The following IGF1R variants were observed in gnomAD, a reference collection of about 807,000 sequenced individuals.
IGF1R encodes the protein insulin-like growth factor 1 receptor.
A neutral mutation model predicts 144.6 loss-of-function variants in IGF1R; 44 were observed. That is an observed-to-expected ratio of 0.30 (90% CI 0.24 to 0.39). The LOEUF (loss-of-function observed/expected upper bound fraction) is 0.39. Among genes scored for constraint, IGF1R ranks in the 10% least tolerant of loss-of-function variants. The pLI is 1.00. For missense variants in IGF1R, 1,355 were observed against 1,833.7 expected (o/e 0.74, Z 4.77); for synonymous variants, 795 against 722.8 (o/e 1.10, Z -1.60).
intron 2 of IGF1R, among the ~76,000 whole-genome samples, chr15:98,762,450 A>G (rs1156446552): frequency 2.6e-5 from 4 of 152,228 alleles, no homozygotes; most frequent in African/African-American, 9.6e-5. Context: ...TATTCCGGCC[A>G]GGCATAGTAG....
chr15:98,786,940 A>G (rs2056012906), intron 2 of IGF1R, among the ~76,000 whole-genome samples: 1 of 152,100 alleles, frequency 6.6e-6, no homozygotes, highest in Admixed American at 6.6e-5. Flanking sequence ...TCTCTCACCC[A>G]CTTGAGGATT....
At chr15:98,722,814 G>T (rs1229626566) in intron 2 of IGF1R, among the ~76,000 whole-genome samples, 2 of 152,214 alleles carry the variant, frequency 1.3e-5, no homozygotes, top group Non-Finnish European at 2.9e-5. Flanking sequence ...TGGGCATGCA[G>T]TGGGTGAGAG....
intron 2 of IGF1R, among the ~76,000 whole-genome samples, chr15:98,719,351 C>A (rs8040055): frequency 6.6e-6 from 1 of 151,056 alleles, no homozygotes; most frequent in African/African-American, 2.5e-5. Context: ...CCCTGCCTTA[C>A]CCCTGGCCAT....
Position 98,827,260 on chromosome 15 carries a change from CAT to C in IGF1R, c.641-64063_641-64062del, listed in dbSNP as rs200517917. On this transcript the variant is annotated intron_variant, in intron 2 of 20. Coordinates refer to ENST00000650285, the MANE Select transcript of IGF1R (RefSeq NM_000875.5). ...CTTGGAAAACAGGCAAATCCACTGA[CAT>C]AGGCATTTTTAGCCACCTTGGAATC... Among the ~76,000 whole-genome samples the C allele has an allele frequency of 4.0e-3, 611 of 152,318 alleles. 2 individuals are homozygous for C. The highest frequency in any genetic ancestry group is 0.014 in the African/African-American group (570 of 41,576).
chr15:98,777,441 C>G (rs2055747116), intron 2 of IGF1R, among the ~76,000 whole-genome samples: 1 of 152,162 alleles, frequency 6.6e-6, no homozygotes, highest in African/African-American at 2.4e-5. Context: ...CCGGGGAGGC[C>G]CTGAGAAACA....
chr15:98,891,578 C>T lies in IGF1R; in HGVS notation c.894C>T (p.Ile298=). 2.5e-6 allele frequency: 4 copies of T among 1,606,356 alleles called. No homozygotes were observed. Among genetic ancestry groups the T allele is most frequent in the Non-Finnish European group, 3.4e-6 (4 of 1,179,978 alleles). Residue 298 remains isoleucine, a synonymous_variant, in exon 3 of 21, where the codon ATC becomes ATT. Transcript: ENST00000650285. This position sits in a 1 kb window ranked among gnomAD's most constrained non-coding sequence, Gnocchi z 4.7. The part of the protein sequence containing the change: ...AESSDSEGFV[I]HDGECMQECP... ...GCAGCGACTCCGAGGGGTTTGTGAT[C>T]CACGACGGCGAGTGCATGCAGGAGT...
intron 2 of IGF1R, among the ~76,000 whole-genome samples, chr15:98,816,260 A>G (rs2141468569): frequency 6.6e-6 from 1 of 152,266 alleles, no homozygotes; most frequent in East Asian, 1.9e-4. Context: ...TCCCATCAAT[A>G]ACTACAAGAT....
rs1293650057 is a variant in IGF1R at position 98,961,212 on chromosome 15, C to T, written c.*3770C>T. The T allele has an allele frequency of 8.6e-6, 2 of 233,516 alleles. No homozygotes were observed. The highest frequency in any genetic ancestry group is 1.7e-5 in the Non-Finnish European group (2 of 118,004). The allele number at this position is 233,516 out of a possible 1,614,324, so 14.5% of individuals were successfully genotyped here. A position where few individuals can be genotyped will look rare whatever the true frequency, so the allele number is the denominator to read the frequency against. Reference sequence around the variant, plus strand: ...GTAGGTGACCCCTTGGAATAACGGCCTCTCCTCTCGTGCACATACCTACCG... The same window carrying T: ...GTAGGTGACCCCTTGGAATAACGGCTTCTCCTCTCGTGCACATACCTACCG... On this transcript the variant is annotated 3_prime_UTR_variant, in exon 21 of 21. Coordinates refer to ENST00000650285, the MANE Select transcript of IGF1R (RefSeq NM_000875.5).
chr15:98,749,485 T>C (rs1327465209), intron 2 of IGF1R, among the ~76,000 whole-genome samples: 1 of 152,234 alleles, frequency 6.6e-6, no homozygotes, highest in Non-Finnish European at 1.5e-5. Flanking sequence ...CAAGACTAAT[T>C]GATTAATTTA....
intron 19 of IGF1R, 110 bp from the exon 20 acceptor site, chr15:98,948,464 A>G: frequency 2.6e-6 from 3 of 1,171,402 alleles, no homozygotes; most frequent in Non-Finnish European, 2.6e-6. Flanking sequence ...CACTGTCACC[A>G]TAGTAAGGAC....
intron 2 of IGF1R, among the ~76,000 whole-genome samples, chr15:98,843,661 G>T (rs1035397020): frequency 2.0e-5 from 3 of 152,118 alleles, no homozygotes; most frequent in Non-Finnish European, 2.9e-5. Flanking sequence ...AACCCTGAAA[G>T]AAGAAAAACT....
intron 2 of IGF1R, among the ~76,000 whole-genome samples, chr15:98,735,127 T>C (rs1000258934): frequency 2.0e-5 from 3 of 152,170 alleles, no homozygotes; most frequent in South Asian, 2.1e-4. Context: ...ACTTGTCCCA[T>C]GTCTGGGGTT....
chr15:98,760,692 TGTA>T (rs1164846106), intron 2 of IGF1R, among the ~76,000 whole-genome samples: 1 of 152,166 alleles, frequency 6.6e-6, no homozygotes, highest in Non-Finnish European at 1.5e-5. Flanking sequence ...TGGCACCACT[TGTA>T]GTGATTGGAA....
At chr15:98,917,139 C>G (rs903915578) in intron 10 of IGF1R, among the ~76,000 whole-genome samples, 1 of 152,178 alleles carries the variant, frequency 6.6e-6, no homozygotes, top group Non-Finnish European at 1.5e-5. Context: ...CAACCCCCCA[C>G]AGAGAGCAGG....
intron 2 of IGF1R, among the ~76,000 whole-genome samples, chr15:98,779,071 C>T (rs73477684): frequency 0.024 from 3,703 of 152,232 alleles, 154 homozygotes; most frequent in African/African-American, 0.084. Context: ...GATAATTGAG[C>T]GTGAGAGCAT....
At chr15:98,868,657 G>T (rs2012601344) in intron 2 of IGF1R, among the ~76,000 whole-genome samples, 1 of 152,152 alleles carries the variant, frequency 6.6e-6, no homozygotes. Context: ...CAAGCTGTGT[G>T]ACTCTGGGAA....
chr15:98,654,579 C>A (rs2052443221), intron 1 of IGF1R, among the ~76,000 whole-genome samples: 1 of 152,076 alleles, frequency 6.6e-6, no homozygotes, highest in Admixed American at 6.6e-5. Context: ...AATTGTAAAG[C>A]ATACAAGATA....
intron 1 of IGF1R, among the ~76,000 whole-genome samples, chr15:98,679,969 A>C (rs1209883950): frequency 1.3e-5 from 2 of 152,150 alleles, no homozygotes; most frequent in Non-Finnish European, 2.9e-5. Flanking sequence ...AGTTAAAAAT[A>C]GAAAAAAGCT....
Position 98,957,695 on chromosome 15 carries a change from G to A in IGF1R, c.*253G>A. ...GACATGGGCCTTTAAGAACCTTAAT[G>A]ACAACACTTAATAGCAACAGAGCAC... On this transcript the variant is annotated 3_prime_UTR_variant, in exon 21 of 21. Transcript: ENST00000650285. 1 of 575,862 alleles carries A rather than the reference G, an allele frequency of 1.7e-6. No individual in the cohort carries two copies. The highest frequency in any genetic ancestry group is 3.1e-6 in the Non-Finnish European group (1 of 322,170). The allele number at this position is 575,862 out of a possible 1,614,324, so 35.7% of individuals were successfully genotyped here.
Sources: allele counts gnomAD v4.1 joint callset (sites outside exome capture counted in the v4.1 genomes callset), GRCh38; gene constraint gnomAD v4.1.1; non-coding constraint Gnocchi (gnomAD v3.1); transcripts MANE v1.5; gene names NCBI Gene and HGNC (gene_info 2026-07-23, HGNC 2026-07-21).